The following SNX29 variants were observed in gnomAD, a reference collection of about 807,000 sequenced individuals.
SNX29 encodes the protein sorting nexin-29.
Under a neutral mutation model 102.1 loss-of-function variants are expected in SNX29, and 78 were observed. The observed-to-expected ratio is 0.76, with a 90% CI of 0.64 to 0.92. SNX29 has a LOEUF of 0.92. Among genes scored for constraint, SNX29 ranks in the 40% least tolerant of loss-of-function variants. SNX29 has a pLI of 0.00. For missense variants in SNX29, 1,280 were observed against 1,061.7 expected (o/e 1.21, Z -2.86); for synonymous variants, 580 against 414.5 (o/e 1.40, Z -4.85).
At chr16:12,497,049 TG>T (rs1249267548) in intron 19 of SNX29, among the ~76,000 whole-genome samples, 7 of 152,086 alleles carry the variant, frequency 4.6e-5, no homozygotes, top group Admixed American at 3.3e-4. Flanking sequence ...AGCATGGTAA[TG>T]GTAGGATCCG....
At chr16:12,549,383 T>C (rs934132746) in intron 20 of SNX29, among the ~76,000 whole-genome samples, 6 of 152,174 alleles carry the variant, frequency 3.9e-5, no homozygotes, top group Admixed American at 6.5e-5. Context: ...TAGTCCCAGC[T>C]ACTCAGAAGG....
chr16:12,515,140 A>G (rs2151932455), intron 19 of SNX29, among the ~76,000 whole-genome samples: 1 of 152,222 alleles, frequency 6.6e-6, no homozygotes, highest in South Asian at 2.1e-4. Context: ...AGGGCTCCCT[A>G]ACCCCCATTC....
In SNX29 at chr16:12,356,237, C is replaced by T. The variant is rs373529545; in HGVS notation, c.1857C>T (p.Leu619=). Residue 619 remains leucine (L), a synonymous_variant, in exon 16 of 21, where the codon CTC becomes CTT. Transcript: ENST00000566228. ...LHRALVAKEA[L]VSQMRQELID... ...GGGCCCTGGTAGCCAAGGAAGCCCT[C>T]GTGTCCCAGATGAGGCAGGAGCTCA... is the stretch of plus-strand genomic sequence containing the variant. The T allele has an allele frequency of 4.3e-5, 69 of 1,612,580 alleles. No individual in the cohort carries two copies. The highest frequency in any genetic ancestry group is 5.3e-5 in the Non-Finnish European group (63 of 1,179,512).
intron 18 of SNX29, among the ~76,000 whole-genome samples, chr16:12,454,477 C>T (rs559596222): frequency 9.8e-5 from 15 of 152,306 alleles, no homozygotes; most frequent in African/African-American, 3.6e-4. Context: ...CTAGAGGTGA[C>T]ATAGCACATG....
intron 15 of SNX29, among the ~76,000 whole-genome samples, chr16:12,338,108 T>G (rs1157740765): frequency 5.3e-5 from 8 of 152,236 alleles, no homozygotes; most frequent in Non-Finnish European, 1.2e-4. Context: ...GATTTCTACC[T>G]AATGGGTCAT....
rs191924957 is a variant in SNX29, at chr16:12,571,406, C to T, written c.*2777C>T. The T allele has an allele frequency of 1.7e-5, 4 of 232,478 alleles. No individual in the cohort carries two copies. Among genetic ancestry groups the T allele is most frequent in the Admixed American group, 5.6e-5 (1 of 17,724 alleles). 14.4% of individuals were successfully genotyped at this position (232,478 alleles called of 1,614,324 possible). A position where few individuals can be genotyped will look rare whatever the true frequency, so the allele number is the denominator to read the frequency against. ...CCTGAGGAAAGGATTGCTTGCACCTCACATCTGTCTTCTTCTAAGATTACT... is the reference window on the plus strand; with the variant it reads ...CCTGAGGAAAGGATTGCTTGCACCTTACATCTGTCTTCTTCTAAGATTACT... On this transcript the variant is annotated 3_prime_UTR_variant, in exon 21 of 21. Transcript: ENST00000566228.
intron 18 of SNX29, among the ~76,000 whole-genome samples, chr16:12,416,030 C>T (rs1457568898): frequency 1.3e-5 from 2 of 152,084 alleles, no homozygotes; most frequent in Non-Finnish European, 2.9e-5. Flanking sequence ...ATGCATCTGC[C>T]TCAGTTAAAC....
chr16:12,106,453 C>T (rs148828768), intron 11 of SNX29, among the ~76,000 whole-genome samples: 2 of 152,160 alleles, frequency 1.3e-5, no homozygotes, highest in African/African-American at 4.8e-5. Flanking sequence ...AGGCCCCCTC[C>T]TCGGCCCCCT....
chr16:12,550,048 C>T (rs982851413), intron 20 of SNX29, among the ~76,000 whole-genome samples: 1 of 152,192 alleles, frequency 6.6e-6, no homozygotes, highest in South Asian at 2.1e-4. Flanking sequence ...CTCCCTGGAG[C>T]CTAGTATGTT....
chr16:12,545,257 A>C (rs2077538094), intron 20 of SNX29, among the ~76,000 whole-genome samples: 1 of 152,242 alleles, frequency 6.6e-6, no homozygotes, highest in Non-Finnish European at 1.5e-5. Flanking sequence ...GTGGCTCCAA[A>C]GAGTACTGTT....
At position 12,391,157 on chromosome 16, in the gene SNX29, A is replaced by G. The variant is rs547800230; in HGVS notation, c.1900-7289A>G. On this transcript the variant is annotated intron_variant, in intron 16 of 20. Coordinates refer to ENST00000566228, the MANE Select transcript of SNX29 (RefSeq NM_032167.5). ...GATGGGGTCTCCCTGTGTTGCCCAGACTGGCCTTAGACTCCTGGGCCCAAG... is the reference window on the plus strand; with the variant it reads ...GATGGGGTCTCCCTGTGTTGCCCAGGCTGGCCTTAGACTCCTGGGCCCAAG... 2.6e-5 allele frequency among the ~76,000 whole-genome samples: 4 copies of G among 152,178 alleles called. No homozygotes were observed. In the South Asian group the frequency reaches 8.3e-4, roughly 32 times the overall value.
At chr16:12,443,488 T>G (rs1301616642) in intron 18 of SNX29, 2 of 153,202 alleles carry the variant, frequency 1.3e-5, no homozygotes, top group East Asian at 3.8e-4. Flanking sequence ...GGTCTTGCTC[T>G]GTCGCCCAGG....
Position 12,001,402 on chromosome 16 carries a change from C to T in SNX29, c.70-1589C>T, listed in dbSNP as rs368843368. Among the ~76,000 whole-genome samples, 48 of 152,122 alleles carry T rather than the reference C, an allele frequency of 3.2e-4. 1 individual carries two copies. The South Asian group carries it at 8.9e-3, about 28-fold the overall frequency. Reference sequence around the variant, plus strand: ...TGCTGGGATTACAGACGTGAGCCACCGCGCCTAGCCTGCTGTTATTATTAT... The same window carrying T: ...TGCTGGGATTACAGACGTGAGCCACTGCGCCTAGCCTGCTGTTATTATTAT... On this transcript the variant is annotated intron_variant, in intron 2 of 20. Coordinates refer to ENST00000566228, the MANE Select transcript of SNX29 (RefSeq NM_032167.5).
At chr16:12,302,128 G>C (rs2080191985) in intron 15 of SNX29, among the ~76,000 whole-genome samples, 1 of 152,186 alleles carries the variant, frequency 6.6e-6, no homozygotes, top group South Asian at 2.1e-4. Flanking sequence ...ACAGAGATGG[G>C]AAAACCTCTT....
In SNX29 at chr16:12,337,528, G is replaced by C. The variant is rs1042447867; in HGVS notation, c.1783-18635G>C. Among the ~76,000 whole-genome samples the C allele has an allele frequency of 8.5e-5, 13 of 152,208 alleles. No homozygotes were observed. In the East Asian group the frequency reaches 2.5e-3, roughly 29 times the overall value. On this transcript the variant is annotated intron_variant, in intron 15 of 20. Transcript: ENST00000566228. ...GGCTAACTTTTATATTTTCTGTAGA[G>C]ACGAGGTTTTGCCATATTGTCCAGG...
chr16:11,986,328 C>T (rs866254894), intron 1 of SNX29, among the ~76,000 whole-genome samples: 63 of 149,034 alleles, frequency 4.2e-4, no homozygotes, highest in Middle Eastern at 7.1e-3. Context: ...CATTTTTCTT[C>T]GCTTGCATCT....
At chr16:12,426,051 G>GA (rs1477643978) in intron 18 of SNX29, among the ~76,000 whole-genome samples, 3 of 148,660 alleles carry the variant, frequency 2.0e-5, no homozygotes, top group African/African-American at 7.5e-5. Flanking sequence ...GGCTTACTGG[G>GA]ACAAAAAAAA....
intron 20 of SNX29, among the ~76,000 whole-genome samples, chr16:12,532,043 C>G (rs534337786): frequency 8.5e-5 from 13 of 152,170 alleles, no homozygotes; most frequent in Non-Finnish European, 1.8e-4. Context: ...CCACATGGAG[C>G]TGCAGGTCTG....
chr16:12,475,817 C>T (rs2087565814), intron 18 of SNX29, among the ~76,000 whole-genome samples: 1 of 152,190 alleles, frequency 6.6e-6, no homozygotes, highest in Non-Finnish European at 1.5e-5. Context: ...AGACAATTAC[C>T]AGCCTAAGTG....
Sources: allele counts gnomAD v4.1 joint callset (sites outside exome capture counted in the v4.1 genomes callset), GRCh38; gene constraint gnomAD v4.1.1; transcripts MANE v1.5; gene names NCBI Gene and HGNC (gene_info 2026-07-23, HGNC 2026-07-21).